Variants in TSHZ2 observed in about 807,000 individuals in gnomAD.
The protein encoded by TSHZ2 is teashirt homolog 2.
Under a neutral mutation model 74.4 loss-of-function variants are expected in TSHZ2, and 21 were observed. The observed-to-expected ratio is 0.28, with a 90% confidence interval of 0.20 to 0.41. TSHZ2 has a LOEUF of 0.41. Among genes scored for constraint, TSHZ2 ranks in the 10% least tolerant of loss-of-function variants. The probability of loss-of-function intolerance (pLI) is 1.00; values close to 1 mark genes in which losing one functional copy is unlikely to be tolerated. For synonymous variants in TSHZ2, 540 were observed against 515.3 expected, an observed-to-expected ratio of 1.05 and a Z score of -0.65; for missense variants, 1,244 against 1,293.5, an observed-to-expected ratio of 0.96 and a Z score of 0.59.
intron 2 of TSHZ2, among the ~76,000 whole-genome samples, chr20:53,304,734 T>G (rs995766279): frequency 1.3e-5 from 2 of 151,928 alleles, no homozygotes; most frequent in Non-Finnish European, 2.9e-5. Flanking sequence ...CGGGTTCAAG[T>G]GATTCTCCTG....
chr20:53,145,333 C>G (rs1259137677), intron 1 of TSHZ2, among the ~76,000 whole-genome samples: 5 of 152,216 alleles, frequency 3.3e-5, no homozygotes, highest in African/African-American at 4.8e-5. Context: ...GACCCACTCT[C>G]TTTTCCTGCA....
At chr20:53,400,558 C>T (rs1982620853) in intron 2 of TSHZ2, 1 of 152,234 alleles carries the variant, frequency 6.6e-6, no homozygotes, top group Non-Finnish European at 1.5e-5. Flanking sequence ...GGCGAAGTTA[C>T]TCTCTCAAGC....
intron 1 of TSHZ2, among the ~76,000 whole-genome samples, chr20:53,073,052 T>A (rs1361820888): frequency 2.0e-5 from 3 of 146,366 alleles, no homozygotes; most frequent in Non-Finnish European, 4.5e-5. Context: ...CATTCCTCCT[T>A]AATCCATTCA....
intron 2 of TSHZ2, among the ~76,000 whole-genome samples, chr20:53,274,466 G>C (rs1428629692): frequency 1.3e-5 from 2 of 152,178 alleles, no homozygotes; most frequent in Non-Finnish European, 2.9e-5. Flanking sequence ...AGATTTACTG[G>C]AGAGATGACA....
At chr20:53,226,775 C>T (rs1989696298) in intron 1 of TSHZ2, among the ~76,000 whole-genome samples, 1 of 152,062 alleles carries the variant, frequency 6.6e-6, no homozygotes, top group Non-Finnish European at 1.5e-5. Flanking sequence ...CCACTAGATG[C>T]CAGTAGCACC....
At chr20:53,246,309 C>T (rs915405473) in intron 1 of TSHZ2, among the ~76,000 whole-genome samples, 1 of 152,144 alleles carries the variant, frequency 6.6e-6, no homozygotes, top group Non-Finnish European at 1.5e-5. Flanking sequence ...TCCCAAAGTG[C>T]TGGGATTACA....
intron 1 of TSHZ2, among the ~76,000 whole-genome samples, chr20:53,192,548 C>T: frequency 7.5e-6 from 1 of 132,510 alleles, no homozygotes; most frequent in South Asian, 2.6e-4. Context: ...AAAGGAAGGA[C>T]AATTTAGTGT....
At chr20:53,287,366 C>T (rs536751105) in intron 2 of TSHZ2, among the ~76,000 whole-genome samples, 11 of 152,266 alleles carry the variant, frequency 7.2e-5, no homozygotes, top group Admixed American at 1.3e-4. Context: ...AACTCATCTC[C>T]AGGGTCTGGT....
chr20:53,144,065 G>A (rs1320642870), intron 1 of TSHZ2, among the ~76,000 whole-genome samples: 4 of 152,174 alleles, frequency 2.6e-5, no homozygotes, highest in African/African-American at 7.2e-5. Context: ...CACAAGACCA[G>A]ATGAGCCAGT....
chr20:53,210,055 G>A (rs890463171), intron 1 of TSHZ2, among the ~76,000 whole-genome samples: 1 of 152,218 alleles, frequency 6.6e-6, no homozygotes, highest in Non-Finnish European at 1.5e-5. Context: ...ATAATGAAAC[G>A]GGAGAGTTCC....
intron 2 of TSHZ2, among the ~76,000 whole-genome samples, chr20:53,405,545 C>G (rs1982819232): frequency 6.6e-6 from 1 of 152,082 alleles, no homozygotes; most frequent in South Asian, 2.1e-4. Context: ...TTTTTTAGTC[C>G]TAGGTACTAT....
At chr20:53,247,663 G>A (rs534512072) in intron 1 of TSHZ2, among the ~76,000 whole-genome samples, 34 of 152,242 alleles carry the variant, frequency 2.2e-4, no homozygotes, top group South Asian at 4.1e-4. Flanking sequence ...AAATTCTCAC[G>A]ATCTCCTCAT....
At chr20:53,273,214 TAAAAG>T (rs1481242650) in intron 2 of TSHZ2, among the ~76,000 whole-genome samples, 1 of 152,166 alleles carries the variant, frequency 6.6e-6, no homozygotes, top group Non-Finnish European at 1.5e-5. Flanking sequence ...GGTGGGGAAA[TAAAAG>T]AACGTTGGAT....
At chr20:53,051,899 T>G (rs1367439536) in intron 1 of TSHZ2, among the ~76,000 whole-genome samples, 1 of 152,214 alleles carries the variant, frequency 6.6e-6, no homozygotes, top group East Asian at 1.9e-4. Flanking sequence ...TGGATGGATG[T>G]GAAAACCGAG....
chr20:53,324,386 T>C (rs960928966), intron 2 of TSHZ2, among the ~76,000 whole-genome samples: 2 of 152,140 alleles, frequency 1.3e-5, no homozygotes. Flanking sequence ...TTTGTTTTGC[T>C]TTGTTTTTTG....
At chr20:53,431,903 G>A (rs1332239899) in intron 2 of TSHZ2, among the ~76,000 whole-genome samples, 1 of 152,136 alleles carries the variant, frequency 6.6e-6, no homozygotes, top group Non-Finnish European at 1.5e-5. Flanking sequence ...CCATGGTTCT[G>A]TGTGCTGTTA....
intron 2 of TSHZ2, among the ~76,000 whole-genome samples, chr20:53,339,556 G>A (rs955419423): frequency 2.6e-5 from 4 of 152,214 alleles, no homozygotes; most frequent in Non-Finnish European, 5.9e-5. Flanking sequence ...TCAGGGCCCA[G>A]TAAAAAATGA....
intron 1 of TSHZ2, among the ~76,000 whole-genome samples, chr20:52,983,620 T>C (rs1191917830): frequency 6.6e-6 from 1 of 152,278 alleles, no homozygotes; most frequent in Non-Finnish European, 1.5e-5. Flanking sequence ...CTAGCTGTTC[T>C]TAGAATATGT....
chr20:53,258,077 C>T (rs563631926), intron 2 of TSHZ2, among the ~76,000 whole-genome samples: 26 of 152,176 alleles, frequency 1.7e-4, no homozygotes, highest in Non-Finnish European at 2.6e-4. Context: ...AGGCGATCTA[C>T]GCTTCTGATG....
Sources: allele counts gnomAD v4.1 joint callset (sites outside exome capture counted in the v4.1 genomes callset), GRCh38; gene constraint gnomAD v4.1.1; transcripts MANE v1.5; gene names NCBI Gene and HGNC (gene_info 2026-07-23, HGNC 2026-07-21).